Variants in CDK5RAP2 observed in about 807,000 individuals in gnomAD.
The protein encoded by CDK5RAP2 is CDK5 regulatory subunit-associated protein 2.
CDK5RAP2 carries 147 observed loss-of-function variants against 232.9 expected under a neutral mutation model. The ratio of observed to expected loss-of-function variants is 0.63; its 90% CI spans 0.55 to 0.72. The LOEUF is 0.72. Among genes scored for constraint, CDK5RAP2 ranks in the 30% least tolerant of loss-of-function variants. CDK5RAP2 has a pLI of 0.00. For synonymous variants in CDK5RAP2, 833 were observed against 833.7 expected (o/e 1.00, Z 0.01); for missense variants, 2,195 against 2,231.5 (o/e 0.98, Z 0.33).
chr9:120,446,163 C>T (rs928156114), intron 22 of CDK5RAP2, among the ~76,000 whole-genome samples: 1 of 152,170 alleles, frequency 6.6e-6, no homozygotes, highest in African/African-American at 2.4e-5. Flanking sequence ...AGACAATATG[C>T]AAACAAATGG....
chr9:120,413,457 ATTCCT>A (rs1367395666), intron 28 of CDK5RAP2, among the ~76,000 whole-genome samples: 1 of 152,142 alleles, frequency 6.6e-6, no homozygotes, highest in Non-Finnish European at 1.5e-5. Context: ...ATTCCTTTGT[ATTCCT>A]TTGTCTTTTC....
intron 10 of CDK5RAP2, among the ~76,000 whole-genome samples, chr9:120,526,355 G>A (rs1293262443): frequency 6.6e-6 from 1 of 152,078 alleles, no homozygotes; most frequent in Non-Finnish European, 1.5e-5. Flanking sequence ...CACTATCCAC[G>A]CTTTGAACTG....
rs1246030307 is a variant in CDK5RAP2, at chr9:120,415,135, T to C, written c.4202A>G (p.Glu1401Gly). 1 of 1,614,194 alleles carries C rather than the reference T, an allele frequency of 6.2e-7. No individual in the cohort carries two copies. Among genetic ancestry groups the C allele is most frequent in the African/African-American group, 1.3e-5 (1 of 75,054 alleles). Residue 1401 changes from glutamate (E) to glycine (G), a missense_variant, in exon 28 of 38, where the codon GAA becomes GGA. Glu to Gly is a moderately conservative substitution (Grantham distance 98). Coordinates refer to ENST00000349780, the MANE Select transcript of CDK5RAP2 (RefSeq NM_018249.6). Reference sequence around the variant, plus strand: ...TAAACGCTTTCTCAAAGTTCGAATTTCCTGTATGTGTTCCATTAGTAAGTC... The same window carrying C: ...TAAACGCTTTCTCAAAGTTCGAATTCCCTGTATGTGTTCCATTAGTAAGTC... Reference protein sequence around the residue: ...SQDLLMEHIQEIRTLRKRLEE... With the variant: ...SQDLLMEHIQGIRTLRKRLEE...
At chr9:120,525,110 TGTAA>T (rs2040841648) in intron 10 of CDK5RAP2, 32 bp from the exon 11 acceptor site, 9 of 1,510,608 alleles carry the variant, frequency 6.0e-6, no homozygotes, top group Non-Finnish European at 8.3e-6. Flanking sequence ...CAGCCAAGTA[TGTAA>T]CTGGGCTCTC....
chr9:120,562,019 C>T lies in CDK5RAP2; in HGVS notation c.195+6302G>A, dbSNP rs570358426. On this transcript the variant is annotated intron_variant, in intron 3 of 37. Coordinates refer to ENST00000349780, the MANE Select transcript of CDK5RAP2 (RefSeq NM_018249.6). ...GTTTAATCTCTCCAACCTCAGCTTC[C>T]TCATCTGTGAAATATCCTCAACACA... Among the ~76,000 whole-genome samples, 3 of 152,318 alleles carry T rather than the reference C, an allele frequency of 2.0e-5. No homozygotes were observed. In the South Asian group the frequency reaches 6.2e-4, roughly 32 times the overall value.
rs1158445306 is a variant in CDK5RAP2 at position 120,408,413 on chromosome 9, A to G, written c.4660T>C (p.Leu1554=). 9.3e-6 allele frequency: 15 copies of G among 1,614,170 alleles called. No homozygotes were observed. Among genetic ancestry groups the G allele is most frequent in the Non-Finnish European group, 1.1e-5 (13 of 1,180,014 alleles). Residue 1554 remains leucine (L), a synonymous_variant, in exon 31 of 38, where the codon TTG becomes CTG. Transcript: ENST00000349780. ...QQLLSQNDKL[L]QSLRVELKAY... is the part of the protein sequence containing the mutation. ...TTCAGCTCCACTCGGAGAGACTGCAATAGCTTGTCATTCTGTGAGAGCAGC... is the reference window on the plus strand; with the variant it reads ...TTCAGCTCCACTCGGAGAGACTGCAGTAGCTTGTCATTCTGTGAGAGCAGC...
intron 24 of CDK5RAP2, among the ~76,000 whole-genome samples, chr9:120,438,004 C>T (rs757408356): frequency 6.6e-6 from 1 of 152,198 alleles, no homozygotes; most frequent in Admixed American, 6.5e-5. Context: ...TAGGACCTGT[C>T]AGTAACTGAA....
At chr9:120,556,996 A>G (rs929479852) in intron 3 of CDK5RAP2, among the ~76,000 whole-genome samples, 3 of 152,232 alleles carry the variant, frequency 2.0e-5, no homozygotes, top group Non-Finnish European at 4.4e-5. Flanking sequence ...TCAGCTACCA[A>G]TAAAATATTT....
chr9:120,389,738 T>C lies in CDK5RAP2; in HGVS notation c.5625+3A>G, dbSNP rs1363120971. The C allele has an allele frequency of 3.7e-6, 6 of 1,614,012 alleles. No homozygotes were observed. The Middle Eastern group carries it at 9.9e-4, about 266-fold the overall frequency. ...CTGCAGTGAAAAGACTCAAAGGGCATACCTCCAGGTTTCCTCTGGCCTTCC... is the reference window on the plus strand; with the variant it reads ...CTGCAGTGAAAAGACTCAAAGGGCACACCTCCAGGTTTCCTCTGGCCTTCC... On this transcript the variant is annotated splice_donor_region_variant and intron_variant, in intron 37 of 37. Coordinates refer to ENST00000349780, the MANE Select transcript of CDK5RAP2 (RefSeq NM_018249.6).
Position 120,402,912 on chromosome 9 carries a change from T to C in CDK5RAP2, c.5201A>G (p.Tyr1734Cys), listed in dbSNP as rs150994426. 1.2e-4 allele frequency: 200 copies of C among 1,614,148 alleles called. No homozygotes were observed. The African/African-American group carries it at 2.3e-3, about 18-fold the overall frequency. ...GCTGATCTGTTTGAGCAGGGCCTCA[T>C]AGTCCTCAATCAGGCCCAGGACATG... is the stretch of plus-strand genomic sequence containing the variant. ...GRHVLGLIED[Y>C]EALLKQISQG... Residue 1734 changes from tyrosine to cysteine, a missense_variant, in exon 34 of 38, where the codon TAT becomes TGT. By Grantham distance (194) the Tyr-to-Cys change is radical. Coordinates refer to ENST00000349780, the MANE Select transcript of CDK5RAP2 (RefSeq NM_018249.6).
At position 120,527,886 on chromosome 9, in the gene CDK5RAP2, C is replaced by A. The variant is rs147976792; in HGVS notation, c.919G>T (p.Ala307Ser). The A allele has an allele frequency of 1.9e-5, 30 of 1,613,670 alleles. No homozygotes were observed. The highest frequency in any genetic ancestry group is 2.5e-5 in the Non-Finnish European group (29 of 1,179,878). ...TTTAGACTATTTTTCTTCTCTGTAG[C>A]AATTTCTCTTTCCTTCTCTCTCAGG... ...EDLREKEREI[A>S]TEKKNSLKRD... Residue 307 changes from alanine to serine, a missense_variant, in exon 10 of 38, where the codon GCT becomes TCT. Coordinates refer to ENST00000349780, the MANE Select transcript of CDK5RAP2 (RefSeq NM_018249.6).
chr9:120,441,315 T>G (rs1478242030), intron 23 of CDK5RAP2, among the ~76,000 whole-genome samples: 5 of 152,232 alleles, frequency 3.3e-5, no homozygotes, highest in Non-Finnish European at 2.9e-5. Context: ...GGCAAGTTAC[T>G]TGACCTCTCT....
intron 12 of CDK5RAP2, among the ~76,000 whole-genome samples, chr9:120,494,297 T>C (rs2039051237): frequency 6.6e-6 from 1 of 152,184 alleles, no homozygotes; most frequent in African/African-American, 2.4e-5. Flanking sequence ...AGGATACCTA[T>C]CATTCACATC....
In CDK5RAP2 at chr9:120,530,070, A is replaced by T; in HGVS notation, c.733T>A (p.Ser245Thr). The T allele has an allele frequency of 6.2e-7, 1 of 1,613,842 alleles. No homozygotes were observed. Among genetic ancestry groups the T allele is most frequent in the Non-Finnish European group, 8.5e-7 (1 of 1,179,788 alleles). ...TTCTCATCAGGACATGCCATCTGAG[A>T]TTTCTCCTCTTTAAGGCACTGAATT... ...ALIQCLKEEK[S>T]QMACPDENVS... The change falls in exon 8 of 38, where the codon TCT becomes ACT. Residue 245 changes from serine (S) to threonine (T), a missense_variant. Transcript: ENST00000349780.
chr9:120,433,025 C>T (rs2035373947), intron 25 of CDK5RAP2, among the ~76,000 whole-genome samples: 1 of 152,204 alleles, frequency 6.6e-6, no homozygotes, highest in Admixed American at 6.5e-5. Flanking sequence ...ATACCCTGGT[C>T]CTCAAAAGTC....
At chr9:120,395,210 C>T (rs2032356705) in intron 35 of CDK5RAP2, among the ~76,000 whole-genome samples, 1 of 152,138 alleles carries the variant, frequency 6.6e-6, no homozygotes, top group African/African-American at 2.4e-5. Flanking sequence ...TCCTGTTCCA[C>T]AAAACTGAAT....
At chr9:120,494,702 G>T (rs2039075322) in intron 12 of CDK5RAP2, among the ~76,000 whole-genome samples, 1 of 150,306 alleles carries the variant, frequency 6.7e-6, no homozygotes, top group Non-Finnish European at 1.5e-5. Context: ...GATAGAAAAA[G>T]AAAATAACAA....
At chr9:120,550,222 C>A (rs1319323451) in intron 4 of CDK5RAP2, among the ~76,000 whole-genome samples, 1 of 152,180 alleles carries the variant, frequency 6.6e-6, no homozygotes, top group East Asian at 1.9e-4. Context: ...CAGTTACAGG[C>A]AAGCACACAG....
chr9:120,433,736 C>T (rs1370538952), intron 25 of CDK5RAP2, among the ~76,000 whole-genome samples: 1 of 152,172 alleles, frequency 6.6e-6, no homozygotes, highest in Non-Finnish European at 1.5e-5. Context: ...ATACAAGTAG[C>T]TCTAGTAGGA....
Sources: allele counts gnomAD v4.1 joint callset (sites outside exome capture counted in the v4.1 genomes callset), GRCh38; gene constraint gnomAD v4.1.1; transcripts MANE v1.5; gene names NCBI Gene and HGNC (gene_info 2026-07-23, HGNC 2026-07-21).